Variants in SLC5A9 observed in about 807,000 individuals in gnomAD.
SLC5A9 encodes solute carrier family 5 member 9, also known as sodium/glucose cotransporter 4.
SLC5A9 carries 59 observed loss-of-function variants against 70.9 expected under a neutral mutation model. The ratio of observed to expected loss-of-function variants is 0.83; its 90% CI spans 0.68 to 1.03. The LOEUF is 1.03. Among genes scored for constraint, SLC5A9 ranks in the 50% least tolerant of loss-of-function variants. The pLI, the probability that SLC5A9 is intolerant of heterozygous loss-of-function variation, is 0.00. For synonymous variants in SLC5A9, 340 were observed against 346.5 expected (o/e 0.98, Z 0.21); for missense variants, 832 against 881.1 (o/e 0.94, Z 0.71).
Position 48,235,767 on chromosome 1 carries a change from C to T in SLC5A9, c.1180C>T (p.Leu394Phe). 1.2e-6 allele frequency: 2 copies of T among 1,614,232 alleles called. No homozygotes were observed. Among genetic ancestry groups the T allele is most frequent in the Non-Finnish European group, 1.7e-6 (2 of 1,180,048 alleles). The change falls in exon 10 of 14, where the codon CTC becomes TTC. Residue 394 changes from leucine to phenylalanine, a missense_variant. By Grantham distance (22) the Leu-to-Phe change is conservative. Coordinates refer to ENST00000438567, the MANE Select transcript of SLC5A9 (RefSeq NM_001011547.3). ...GLMIAVIMAA[L>F]MSSLTSIFNS... is the part of the protein sequence containing the mutation. ...GATGATTGCCGTGATCATGGCCGCT[C>T]TCATGAGCTCACTCACCTCCATCTT...
Position 48,223,617 on chromosome 1 carries a change from C to T in SLC5A9, c.162+719C>T, listed in dbSNP as rs565085788. On this transcript the variant is annotated intron_variant, in intron 1 of 13. Transcript: ENST00000438567. ...AGGCAATAAATGGCTGCTATTATCA[C>T]CACGCATTCCACAGAAGTGTGAGCA... Among the ~76,000 whole-genome samples, 5 of 152,316 alleles carry T rather than the reference C, an allele frequency of 3.3e-5. No homozygotes were observed. The East Asian group carries it at 7.7e-4, about 24-fold the overall frequency.
intron 13 of SLC5A9, among the ~76,000 whole-genome samples, chr1:48,244,068 C>G (rs1644422437): frequency 6.6e-6 from 1 of 152,082 alleles, no homozygotes; most frequent in Non-Finnish European, 1.5e-5. Context: ...TTTATAACGT[C>G]CAGGCAGAGA....
Position 48,237,825 on chromosome 1 carries a change from T to C in SLC5A9, c.1439T>C (p.Phe480Ser), listed in dbSNP as rs777972357. The C allele has an allele frequency of 2.6e-5, 42 of 1,613,960 alleles. 1 individual carries two copies. In the East Asian group the frequency reaches 9.4e-4, roughly 36 times the overall value. ...PITALFLLAI[F>S]CKRVTEPGAF... ...ACCGCTCTCTTCCTGCTGGCCATCT[T>C]CTGCAAGAGGGTCACAGAGCCCGTG... Residue 480 changes from phenylalanine (F) to serine (S), a missense_variant, in exon 11 of 14, where the codon TTC (phenylalanine) becomes TCC (serine). Physicochemically the swap from Phe to Ser is radical, Grantham distance 155 (BLOSUM62 -2). Transcript: ENST00000438567.
At chr1:48,230,324 C>A (rs1044771348) in intron 4 of SLC5A9, among the ~76,000 whole-genome samples, 1 of 152,232 alleles carries the variant, frequency 6.6e-6, no homozygotes, top group African/African-American at 2.4e-5. Context: ...CCACTTCATT[C>A]CTCACCACTC....
In SLC5A9 at chr1:48,239,595, T is replaced by C; in HGVS notation, c.1677+58T>C. ...AAATGCTCTCCCTTCCCCCATAGCC[T>C]AGAATTCCACTGCTGACTTTTACTC... On this transcript the variant is annotated intron_variant, in intron 12 of 13. Transcript: ENST00000438567. The surrounding 1 kb of genome is among the most constrained non-coding windows in gnomAD (Gnocchi z 4.2). 1 of 1,504,844 alleles carries C rather than the reference T, an allele frequency of 6.6e-7. No homozygotes were observed. Among genetic ancestry groups the C allele is most frequent in the Non-Finnish European group, 9.2e-7 (1 of 1,082,744 alleles). The allele number at this position is 1,504,844 out of a possible 1,614,324, so 93.2% of individuals were successfully genotyped here. A position where few individuals can be genotyped will look rare whatever the true frequency, so the allele number is the denominator to read the frequency against.
At chr1:48,241,744 C>CTCTA (rs979514643) in intron 12 of SLC5A9, among the ~76,000 whole-genome samples, 2 of 152,074 alleles carry the variant, frequency 1.3e-5, no homozygotes, top group African/African-American at 4.8e-5. Context: ...ATCTCTTTCT[C>CTCTA]TCTATCTCTA....
At chr1:48,246,413 C>T (rs1019263346) in intron 13 of SLC5A9, among the ~76,000 whole-genome samples, 3 of 152,214 alleles carry the variant, frequency 2.0e-5, no homozygotes, top group African/African-American at 7.2e-5. Context: ...CCAGCTACCA[C>T]ATTCTAAACC....
chr1:48,228,594 C>A, intron 2 of SLC5A9: 1 of 492,190 alleles, frequency 2.0e-6, no homozygotes. Context: ...CCCTTTTTTC[C>A]CACTTCACCA....
At chr1:48,242,712 C>T (rs1018543903) in intron 13 of SLC5A9, 96 bp downstream of exon 13, 4 of 1,193,562 alleles carry the variant, frequency 3.4e-6, no homozygotes, top group Non-Finnish European at 4.6e-6. Flanking sequence ...TCTGAGGGAG[C>T]CCAATAAATA....
rs1357533308 is a variant in SLC5A9, at chr1:48,232,087, T to A, written c.833T>A (p.Ile278Asn). 6.2e-7 allele frequency: 1 copy of A among 1,614,142 alleles called. No individual in the cohort carries two copies. ...CTTCGGGACCCTGTGAGCGGGGACA[T>A]CCCTTGGCCAGGTCTCATTTTCGGG... ...HILRDPVSGD[I>N]PWPGLIFGLT... The change falls in exon 7 of 14, where the codon ATC becomes AAC. Residue 278 changes from isoleucine to asparagine, a missense_variant. Ile to Asn is a moderately radical substitution (Grantham distance 149). Coordinates refer to ENST00000438567, the MANE Select transcript of SLC5A9 (RefSeq NM_001011547.3).
chr1:48,232,354 G>T lies in SLC5A9; in HGVS notation c.898-13G>T, dbSNP rs2148573845. ...TCTACCTGCGCTGCACTCCTCATTT[G>T]CTGCCCTTTCAGGTCATTGTGCAGC... On this transcript the variant is annotated splice_polypyrimidine_tract_variant and intron_variant, in intron 7 of 13. Transcript: ENST00000438567. The T allele has an allele frequency of 6.2e-7, 1 of 1,613,800 alleles. No individual in the cohort carries two copies. Among genetic ancestry groups the T allele is most frequent in the Non-Finnish European group, 8.5e-7 (1 of 1,179,936 alleles).
intron 13 of SLC5A9, among the ~76,000 whole-genome samples, chr1:48,246,433 A>G (rs1644460871): frequency 6.6e-6 from 1 of 152,240 alleles, no homozygotes; most frequent in Admixed American, 6.5e-5. Context: ...CCATTAAAAT[A>G]ATAAAGCAAT....
At chr1:48,242,689 T>G in intron 13 of SLC5A9, 73 bp downstream of exon 13, 1 of 1,402,222 alleles carries the variant, frequency 7.1e-7, no homozygotes, top group Non-Finnish European at 9.5e-7. Context: ...TGGGCGGTCT[T>G]TGGGATGGGG....
intron 12 of SLC5A9, chr1:48,240,665 T>C (rs1644380986): frequency 6.6e-6 from 1 of 152,364 alleles, no homozygotes; most frequent in Admixed American, 6.5e-5. Context: ...TCTTCTCCAT[T>C]GCCTGTTTCC....
Position 48,242,520 on chromosome 1 carries a change from G to A in SLC5A9, c.1741G>A (p.Glu581Lys), listed in dbSNP as rs149305292. Reference sequence around the variant, plus strand: ...CTCTGAGCTGGAGAAGGAGGCCCACGAGAGCACACCGGAGATATCCGAGAG... The same window carrying A: ...CTCTGAGCTGGAGAAGGAGGCCCACAAGAGCACACCGGAGATATCCGAGAG... ...PLSELEKEAH[E>K]STPEISERPA... Residue 581 changes from glutamate to lysine, a missense_variant, in exon 13 of 14, where the codon GAG becomes AAG. Coordinates refer to ENST00000438567, the MANE Select transcript of SLC5A9 (RefSeq NM_001011547.3). The A allele has an allele frequency of 3.0e-5, 48 of 1,613,622 alleles. No individual in the cohort carries two copies. Among genetic ancestry groups the A allele is most frequent in the African/African-American group, 2.1e-4 (16 of 74,934 alleles).
intron 8 of SLC5A9, 32 bp from the exon 9 acceptor site, chr1:48,233,623 A>G (rs747585205): frequency 6.4e-7 from 1 of 1,570,642 alleles, no homozygotes; most frequent in Non-Finnish European, 8.8e-7. Flanking sequence ...GCACGAGATC[A>G]CGGACTCTAA....
chr1:48,237,686 G>T lies in SLC5A9; in HGVS notation c.1300G>T (p.Val434Leu). 6.2e-7 allele frequency: 1 copy of T among 1,613,984 alleles called. No individual in the cohort carries two copies. The highest frequency in any genetic ancestry group is 8.5e-7 in the Non-Finnish European group (1 of 1,179,976). ...QELMVVGRVF[V>L]VFLVVISILW... ...CTGTGCTCTCTCTGGCAGAGTGTTT[G>T]TGGTGTTCCTGGTTGTCATCAGCAT... Residue 434 changes from valine to leucine, a missense_variant, in exon 11 of 14, where the codon GTG becomes TTG. By Grantham distance (32) the Val-to-Leu change is conservative (BLOSUM62 1). Coordinates refer to ENST00000438567, the MANE Select transcript of SLC5A9 (RefSeq NM_001011547.3).
intron 13 of SLC5A9, among the ~76,000 whole-genome samples, chr1:48,244,257 T>C (rs1273809588): frequency 6.6e-6 from 1 of 152,216 alleles, no homozygotes. Flanking sequence ...TAAATAATTC[T>C]AGAGAGCTAA....
At chr1:48,235,602 C>A in intron 9 of SLC5A9, 127 bp from the exon 10 acceptor site, 2 of 1,125,202 alleles carry the variant, frequency 1.8e-6, no homozygotes, top group South Asian at 3.0e-5. Flanking sequence ...GAGCCTCATC[C>A]AACCCCTTCC....
Sources: gnomAD v4.1 joint callset for allele counts (sites outside exome capture counted in the v4.1 genomes callset) on GRCh38, gnomAD v4.1.1 for gene constraint, Gnocchi (gnomAD v3.1) non-coding constraint, MANE v1.5 for transcripts, NCBI Gene and HGNC (gene_info 2026-07-23, HGNC 2026-07-21) for gene names.